KIRREL1: variants seen among roughly 807,000 people sequenced by gnomAD.
KIRREL1 encodes the protein kin of IRRE-like protein 1.
KIRREL1 carries 25 observed loss-of-function variants against 83.3 expected under a neutral mutation model. That is an observed-to-expected ratio of 0.30 (90% CI 0.22 to 0.42). The LOEUF (loss-of-function observed/expected upper bound fraction) is 0.42. KIRREL1 is among the 10% of genes least tolerant of loss of function. The pLI, the probability that KIRREL1 is intolerant of heterozygous loss-of-function variation, is 1.00. For synonymous variants in KIRREL1, 388 were observed against 410.4 expected (o/e 0.95, Z 0.66); for missense variants, 812 against 1,032.3 (o/e 0.79, Z 2.92).
At position 158,099,639 on chromosome 1, in the gene KIRREL1, TA is replaced by T. The variant is rs1662440966; in HGVS notation, c.*4521del. 3 of 152,104 alleles carry T rather than the reference TA, an allele frequency of 2.0e-5. No homozygotes were observed. Among genetic ancestry groups the T allele is most frequent in the Admixed American group, 2.0e-4 (3 of 15,272 alleles). 9.4% of individuals were successfully genotyped at this position (152,104 alleles called of 1,614,324 possible). On this transcript the variant is annotated 3_prime_UTR_variant, in exon 15 of 15. Coordinates refer to ENST00000359209, the MANE Select transcript of KIRREL1 (RefSeq NM_018240.7). ...TCTGGTACAAACCTGCCCTTATTAATAATAACAATAATAATAATAACTCCAT... is the reference window on the plus strand; with the variant it reads ...TCTGGTACAAACCTGCCCTTATTAATATAACAATAATAATAATAACTCCAT...
chr1:158,060,679 C>T (rs535338149), intron 1 of KIRREL1, among the ~76,000 whole-genome samples: 96 of 152,280 alleles, frequency 6.3e-4, no homozygotes, highest in Non-Finnish European at 8.8e-5. Context: ...GGGCAGATCC[C>T]TCAGAATTCC....
chr1:158,094,487 A>G lies in KIRREL1; in HGVS notation c.1797+97A>G. 2 of 1,367,630 alleles carry G rather than the reference A, an allele frequency of 1.5e-6. No individual in the cohort carries two copies. Among genetic ancestry groups the G allele is most frequent in the Non-Finnish European group, 2.1e-6 (2 of 961,114 alleles). The allele number at this position is 1,367,630 out of a possible 1,614,324, so 84.7% of individuals were successfully genotyped here. On this transcript the variant is annotated intron_variant, in intron 14 of 14. Transcript: ENST00000359209. This position sits in a 1 kb window ranked among gnomAD's most constrained non-coding sequence, Gnocchi z 4.6. ...AGGTGAGGTGAGGACAGACTTGGGG[A>G]GGAGTGGTTGGGAGGGTTTTTGAAG...
chr1:158,013,656 G>A (rs1659748241), intron 1 of KIRREL1, among the ~76,000 whole-genome samples: 2 of 152,218 alleles, frequency 1.3e-5, no homozygotes, highest in South Asian at 4.1e-4. Flanking sequence ...CTGCCCCACA[G>A]CAGTGACCAG....
chr1:158,069,091 C>T (rs749758807), intron 1 of KIRREL1, among the ~76,000 whole-genome samples: 12 of 152,268 alleles, frequency 7.9e-5, no homozygotes, highest in Non-Finnish European at 1.2e-4. Flanking sequence ...GGCCCCATTC[C>T]CTCTCTGGTT....
intron 1 of KIRREL1, among the ~76,000 whole-genome samples, chr1:158,065,458 G>T (rs905475413): frequency 5.3e-5 from 8 of 152,160 alleles, no homozygotes; most frequent in African/African-American, 1.9e-4. Flanking sequence ...AGGGAATAGG[G>T]TTAGACTCCA....
intron 1 of KIRREL1, among the ~76,000 whole-genome samples, chr1:158,038,739 G>T (rs1020043249): frequency 3.9e-5 from 6 of 152,320 alleles, no homozygotes; most frequent in African/African-American, 1.4e-4. Flanking sequence ...CAAAGGGTCT[G>T]AGGAGACGTG....
At chr1:158,042,909 T>TAA (rs34934306) in intron 1 of KIRREL1, among the ~76,000 whole-genome samples, 9,789 of 121,860 alleles carry the variant, frequency 0.08, 452 homozygotes, top group African/African-American at 0.098. Flanking sequence ...CCGTCTCTAC[T>TAA]AAAAAAAAAA....
At chr1:158,054,504 C>T (rs1257107177) in intron 1 of KIRREL1, among the ~76,000 whole-genome samples, 2 of 152,140 alleles carry the variant, frequency 1.3e-5, no homozygotes, top group Non-Finnish European at 2.9e-5. Flanking sequence ...AGGACATTTT[C>T]TCAAAATGGT....
At chr1:158,075,279 G>A (rs1305393125) in intron 1 of KIRREL1, among the ~76,000 whole-genome samples, 1 of 152,236 alleles carries the variant, frequency 6.6e-6, no homozygotes, top group East Asian at 1.9e-4. Context: ...AATGCTCCCG[G>A]CCGAGCTGCC....
rs1366620416 is a variant in KIRREL1 at position 158,091,356 on chromosome 1, A to T, written c.1273-2A>T. The T allele has an allele frequency of 6.2e-7, 1 of 1,612,758 alleles. No homozygotes were observed. Among genetic ancestry groups the T allele is most frequent in the Non-Finnish European group, 8.5e-7 (1 of 1,179,176 alleles). On this transcript the variant is annotated splice_acceptor_variant, in intron 10 of 14. Coordinates refer to ENST00000359209, the MANE Select transcript of KIRREL1 (RefSeq NM_018240.7). LOFTEE classifies it high-confidence loss of function. ...ACCTTCTTCCTTCCCTCTCCACCAC[A>T]GGCATGGGCCTGGAAGGAGAACTTC...
intron 5 of KIRREL1, among the ~76,000 whole-genome samples, chr1:158,087,285 G>C (rs982718321): frequency 6.6e-6 from 1 of 152,004 alleles, no homozygotes; most frequent in African/African-American, 2.4e-5. Flanking sequence ...TAGTCCTAAG[G>C]GTTTCAAATA....
chr1:158,039,638 C>T (rs1205269185), intron 1 of KIRREL1, among the ~76,000 whole-genome samples: 1 of 152,210 alleles, frequency 6.6e-6, no homozygotes, highest in South Asian at 2.1e-4. Flanking sequence ...TGTTCCTGAA[C>T]CTACTGTCCT....
chr1:158,083,948 T>G (rs1472148740), intron 3 of KIRREL1, among the ~76,000 whole-genome samples: 1 of 151,946 alleles, frequency 6.6e-6, no homozygotes, highest in Non-Finnish European at 1.5e-5. Context: ...GCCAACATGG[T>G]GAAACCCCTA....
chr1:158,003,801 G>GA (rs5778061), intron 1 of KIRREL1, among the ~76,000 whole-genome samples: 135 of 147,878 alleles, frequency 9.1e-4, no homozygotes, highest in South Asian at 1.5e-3. Context: ...CTCTGACTTT[G>GA]AAAAAAAAAA....
Position 158,078,074 on chromosome 1 carries a change from G to A in KIRREL1, c.286G>A (p.Ala96Thr), listed in dbSNP as rs866838069. ...CACAGATGCTGAGCTCTCTGACGAC[G>A]CCTCTTACGAGTGCCAGGCCACGGA... ...EITDAELSDD[A>T]SYECQATEAA... Residue 96 changes from alanine to threonine, a missense_variant, in exon 3 of 15, where the codon GCC becomes ACC. Ala to Thr is a moderately conservative substitution (Grantham distance 58). This residue lies in a region of KIRREL1 where 472 missense variants were observed against 626.8 expected (regional missense o/e 0.75). Coordinates refer to ENST00000359209, the MANE Select transcript of KIRREL1 (RefSeq NM_018240.7). 1.2e-6 allele frequency: 2 copies of A among 1,614,084 alleles called. No individual in the cohort carries two copies. The highest frequency in any genetic ancestry group is 1.3e-5 in the African/African-American group (1 of 75,000).
intron 11 of KIRREL1, among the ~76,000 whole-genome samples, chr1:158,092,056 G>A (rs2101645496): frequency 6.6e-6 from 1 of 152,336 alleles, no homozygotes; most frequent in African/African-American, 2.4e-5. Context: ...TGGACGTGAG[G>A]ATTAAATTAG....
At chr1:158,079,389 G>A (rs1175432930) in intron 3 of KIRREL1, among the ~76,000 whole-genome samples, 1 of 152,078 alleles carries the variant, frequency 6.6e-6, no homozygotes, top group Non-Finnish European at 1.5e-5. Context: ...GCATGATCTC[G>A]GCTCACTGTA....
chr1:158,060,348 C>T (rs574944048), intron 1 of KIRREL1, among the ~76,000 whole-genome samples: 59 of 152,198 alleles, frequency 3.9e-4, no homozygotes, highest in Non-Finnish European at 6.3e-4. Flanking sequence ...CACCCATTCC[C>T]ACCCTCGTTC....
intron 1 of KIRREL1, among the ~76,000 whole-genome samples, chr1:158,008,990 T>C (rs1281805566): frequency 1.3e-5 from 2 of 152,090 alleles, no homozygotes; most frequent in Non-Finnish European, 2.9e-5. Context: ...TGCTGTCACC[T>C]CGGGGCTTTC....
Sources: allele counts gnomAD v4.1 joint callset (sites outside exome capture counted in the v4.1 genomes callset), GRCh38; gene constraint gnomAD v4.1.1; regional missense constraint gnomAD v4.1.1; non-coding constraint Gnocchi (gnomAD v3.1); transcripts MANE v1.5; gene names NCBI Gene and HGNC (gene_info 2026-07-23, HGNC 2026-07-21).